The following LRRTM4 variants were observed in gnomAD, a reference collection of about 807,000 sequenced individuals.
The protein encoded by LRRTM4 is leucine-rich repeat transmembrane neuronal protein 4.
Under a neutral mutation model 47.6 loss-of-function variants are expected in LRRTM4, and 25 were observed. The observed-to-expected ratio is 0.53, with a 90% CI of 0.38 to 0.73. The LOEUF is 0.73. Ranked by LOEUF, LRRTM4 falls within the 30% of genes least tolerant of loss-of-function variation. The pLI is 0.00. For synonymous variants in LRRTM4, 311 were observed against 269.5 expected, an observed-to-expected ratio of 1.15 and a Z score of -1.51; for missense variants, 638 against 713.4, an observed-to-expected ratio of 0.89 and a Z score of 1.20.
intron 3 of LRRTM4, among the ~76,000 whole-genome samples, chr2:77,325,749 G>T (rs1352939511): frequency 6.6e-6 from 1 of 152,098 alleles, no homozygotes; most frequent in Non-Finnish European, 1.5e-5. Context: ...TCGGAAAAAA[G>T]ATGTGTGAAA....
chr2:76,801,569 A>G (rs1218262646), intron 3 of LRRTM4, among the ~76,000 whole-genome samples: 1 of 152,074 alleles, frequency 6.6e-6, no homozygotes, highest in Non-Finnish European at 1.5e-5. Context: ...ATGCTAGATG[A>G]TGAGTTAGTG....
At chr2:77,046,515 A>T (rs1368757536) in intron 3 of LRRTM4, among the ~76,000 whole-genome samples, 6 of 151,992 alleles carry the variant, frequency 3.9e-5, no homozygotes, top group Non-Finnish European at 1.5e-5. Context: ...GACAGTCTCA[A>T]TGATGATGTC....
intron 3 of LRRTM4, among the ~76,000 whole-genome samples, chr2:77,255,776 G>A (rs1010086673): frequency 5.9e-5 from 9 of 151,936 alleles, no homozygotes; most frequent in South Asian, 2.1e-4. Flanking sequence ...AAGCAATGAC[G>A]AAAGATAAAT....
intron 3 of LRRTM4, among the ~76,000 whole-genome samples, chr2:77,430,493 G>A (rs541030078): frequency 1.2e-4 from 19 of 152,156 alleles, no homozygotes; most frequent in East Asian, 9.7e-4. Context: ...AGGCCGAGGC[G>A]GGAGGATCAC....
At chr2:77,297,068 G>C (rs1036148655) in intron 3 of LRRTM4, among the ~76,000 whole-genome samples, 50 of 152,078 alleles carry the variant, frequency 3.3e-4, no homozygotes, top group African/African-American at 1.2e-3. Flanking sequence ...TCTTCTTATT[G>C]TTTTCTTGTC....
intron 3 of LRRTM4, among the ~76,000 whole-genome samples, chr2:76,795,594 C>CATACATGTATAT (rs59362311): frequency 5.3e-5 from 8 of 151,714 alleles, no homozygotes; most frequent in African/African-American, 1.7e-4. Context: ...CACACACATA[C>CATACATGTATAT]ACACACACTA....
chr2:77,393,448 T>C (rs981116371), intron 3 of LRRTM4, among the ~76,000 whole-genome samples: 1 of 151,864 alleles, frequency 6.6e-6, no homozygotes, highest in Non-Finnish European at 1.5e-5. Flanking sequence ...AAAGGTGAGG[T>C]TGAGAAGATC....
chr2:77,095,825 TAAA>T (rs1670796823), intron 3 of LRRTM4, among the ~76,000 whole-genome samples: 1 of 152,088 alleles, frequency 6.6e-6, no homozygotes, highest in Non-Finnish European at 1.5e-5. Flanking sequence ...TATACAGCCT[TAAA>T]AAGAGATTCT....
intron 3 of LRRTM4, among the ~76,000 whole-genome samples, chr2:77,339,278 G>T (rs529964643): frequency 2.0e-5 from 3 of 151,870 alleles, no homozygotes; most frequent in Non-Finnish European, 4.4e-5. Flanking sequence ...TGTTTTAACT[G>T]CAATTTACTT....
intron 3 of LRRTM4, among the ~76,000 whole-genome samples, chr2:76,773,678 A>C (rs1371172861): frequency 1.3e-5 from 2 of 151,768 alleles, no homozygotes; most frequent in African/African-American, 4.8e-5. Context: ...TAAATTTAAA[A>C]TTTCCTAAGA....
At position 76,748,852 on chromosome 2, in the gene LRRTM4, T is replaced by A. The variant is rs1048981700; in HGVS notation, c.1616A>T (p.Gln539Leu). Residue 539 changes from glutamine to leucine, a missense_variant, in exon 4 of 4, where the codon CAG becomes CTG. Gln to Leu is a moderately radical substitution (Grantham distance 113). Coordinates refer to ENST00000409884, the MANE Select transcript of LRRTM4 (RefSeq NM_001134745.3). ...SYDQPVIGYC[Q>L]AHQPLHVTKG... ...GGTGACATGGAGTGGCTGGTGGGCC[T>A]GGCAGTACCCGATCACAGGCTGGTC... 5 of 1,613,870 alleles carry A rather than the reference T, an allele frequency of 3.1e-6. No homozygotes were observed. The highest frequency in any genetic ancestry group is 4.2e-6 in the Non-Finnish European group (5 of 1,179,898).
chr2:77,220,718 A>T (rs960452427), intron 3 of LRRTM4, among the ~76,000 whole-genome samples: 1 of 152,206 alleles, frequency 6.6e-6, no homozygotes, highest in Non-Finnish European at 1.5e-5. Context: ...AAAGACCAAA[A>T]CTACATCTGA....
At chr2:77,199,870 G>T (rs1173195027) in intron 3 of LRRTM4, among the ~76,000 whole-genome samples, 1 of 152,042 alleles carries the variant, frequency 6.6e-6, no homozygotes, top group African/African-American at 2.4e-5. Flanking sequence ...CCAAGAGAAA[G>T]TTAGAAATCA....
intron 3 of LRRTM4, among the ~76,000 whole-genome samples, chr2:77,256,851 A>G (rs930606477): frequency 6.9e-6 from 1 of 145,716 alleles, no homozygotes; most frequent in Non-Finnish European, 1.5e-5. Flanking sequence ...GAAAGAGAGG[A>G]AGGGAGGGAG....
chr2:76,801,201 A>G (rs139446390), intron 3 of LRRTM4, among the ~76,000 whole-genome samples: 2,212 of 152,292 alleles, frequency 0.015, 51 homozygotes, highest in African/African-American at 0.049. Context: ...GCTGCTATAA[A>G]GACACATGCA....
At position 77,313,128 on chromosome 2, in the gene LRRTM4, G is replaced by A. The variant is rs79842644; in HGVS notation, c.1551+205190C>T. On this transcript the variant is annotated intron_variant, in intron 3 of 3. Transcript: ENST00000409884. ...GCCTGCTGGGACCTCGTGCTGGGAT[G>A]TGCCTCCCTATGTTTTCCTGGGACC... is the stretch of plus-strand genomic sequence containing the variant. Among the ~76,000 whole-genome samples the A allele has an allele frequency of 1.4e-3, 206 of 146,608 alleles. 1 individual carries two copies. Among genetic ancestry groups the A allele is most frequent in the African/African-American group, 5.0e-3 (192 of 38,254 alleles).
intron 3 of LRRTM4, among the ~76,000 whole-genome samples, chr2:77,362,170 A>AAGGAAGGAAGGAAGGAAGGAAGGAAGG (rs1672263551): frequency 6.1e-4 from 82 of 133,490 alleles, no homozygotes; most frequent in African/African-American, 2.6e-3. Flanking sequence ...AGAAAGAAAG[A>AAGGAAGGAAGGAAGGAAGGAAGGAAGG]AAGGAAGGAA....
At chr2:76,755,670 G>C (rs1435606999) in intron 3 of LRRTM4, among the ~76,000 whole-genome samples, 1 of 152,116 alleles carries the variant, frequency 6.6e-6, no homozygotes, top group East Asian at 1.9e-4. Flanking sequence ...GCAGAGTTTT[G>C]AGCAGTTCCC....
At chr2:77,143,429 G>T (rs1672177038) in intron 3 of LRRTM4, among the ~76,000 whole-genome samples, 1 of 152,046 alleles carries the variant, frequency 6.6e-6, no homozygotes, top group African/African-American at 2.4e-5. Flanking sequence ...GATCATTTTT[G>T]TTTTAATAAA....
Sources: gnomAD v4.1 joint callset for allele counts (sites outside exome capture counted in the v4.1 genomes callset) on GRCh38, gnomAD v4.1.1 for gene constraint, MANE v1.5 for transcripts, NCBI Gene and HGNC (gene_info 2026-07-23, HGNC 2026-07-21) for gene names.